Variants in TMEM63A observed in about 807,000 individuals in gnomAD.
The protein encoded by TMEM63A is mechanosensitive cation channel TMEM63A.
In TMEM63A, 76 loss-of-function variants were observed where a neutral mutation model predicts 100.6. The observed-to-expected ratio is 0.76, with a 90% CI of 0.63 to 0.91. The LOEUF is 0.91. Ranked by LOEUF, TMEM63A falls within the 40% of genes least tolerant of loss-of-function variation. The pLI, the probability that TMEM63A is intolerant of heterozygous loss-of-function variation, is 0.00. For synonymous variants in TMEM63A, 401 were observed against 401.1 expected (o/e 1.00, Z 0.00); for missense variants, 876 against 1,008.8 (o/e 0.87, Z 1.78).
Position 225,855,897 on chromosome 1 carries a change from C to G in TMEM63A, c.1615G>C (p.Glu539Gln), listed in dbSNP as rs1283510419. Residue 539 changes from glutamate to glutamine, a missense_variant, in exon 18 of 25, where the codon GAG becomes CAG. This residue lies in a region of TMEM63A where 4 missense variants were observed against 17.2 expected (regional missense o/e 0.23). Transcript: ENST00000366835. ...ACTCACTCCAACCTGATGGAGGCCTCCGAGGAAGTTTTGTCAAAGAGCCAC... is the reference window on the plus strand; with the variant it reads ...ACTCACTCCAACCTGATGGAGGCCTGCGAGGAAGTTTTGTCAAAGAGCCAC... Reference protein sequence around the residue: ...FRWLFDKTSSEASIRLECVFL... With the variant: ...FRWLFDKTSSQASIRLECVFL... The G allele has an allele frequency of 6.2e-7, 1 of 1,613,982 alleles. No homozygotes were observed. The highest frequency in any genetic ancestry group is 1.6e-4 in the Middle Eastern group (1 of 6,082).
At chr1:225,863,507 T>C (rs527269237) in intron 10 of TMEM63A, among the ~76,000 whole-genome samples, 2 of 152,328 alleles carry the variant, frequency 1.3e-5, no homozygotes, top group South Asian at 2.1e-4. Context: ...GGTCAGTATC[T>C]ACCTTGAGCC....
In TMEM63A at chr1:225,865,471, C is replaced by T. The variant is rs77040739; in HGVS notation, c.746+426G>A. 545 of 161,648 alleles carry T rather than the reference C, an allele frequency of 3.4e-3. 2 individuals carry two copies. The highest frequency in any genetic ancestry group is 0.012 in the African/African-American group (504 of 42,038). 10.0% of individuals were successfully genotyped at this position (161,648 alleles called of 1,614,324 possible). ...CTCAGTGGGTGGACAAACGAACAAACGCAGAGATGGCCCCGAGGTCCTTCC... is the reference window on the plus strand; with the variant it reads ...CTCAGTGGGTGGACAAACGAACAAATGCAGAGATGGCCCCGAGGTCCTTCC... On this transcript the variant is annotated intron_variant, in intron 10 of 24. Transcript: ENST00000366835. The surrounding 1 kb of genome is among the most constrained non-coding windows in gnomAD (Gnocchi z 4.6).
In TMEM63A at chr1:225,866,642, A is replaced by T; in HGVS notation, c.607T>A (p.Tyr203Asn). ...LWLHTIFAVI[Y>N]LFLTVGFMRH... ...ATGAAACCCACAGTGAGGAAGAGGT[A>T]AATGACAGCAAAGATGGTGTGCAGC... Residue 203 changes from tyrosine (Y) to asparagine (N), a missense_variant, in exon 9 of 25, where the codon TAC becomes AAC. This residue lies in a region of TMEM63A where 487 missense variants were observed against 581.9 expected (regional missense o/e 0.84). Coordinates refer to ENST00000366835, the MANE Select transcript of TMEM63A (RefSeq NM_014698.3). 6.2e-7 allele frequency: 1 copy of T among 1,614,142 alleles called. No homozygotes were observed. Among genetic ancestry groups the T allele is most frequent in the Non-Finnish European group, 8.5e-7 (1 of 1,179,998 alleles).
In TMEM63A at chr1:225,853,743, G is replaced by C; in HGVS notation, c.1683C>G (p.Ile561Met). The change falls in exon 19 of 25, where the codon ATC becomes ATG. Residue 561 changes from isoleucine to methionine, a missense_variant. Coordinates refer to ENST00000366835, the MANE Select transcript of TMEM63A (RefSeq NM_014698.3). This position sits in a 1 kb window ranked among gnomAD's most constrained non-coding sequence, Gnocchi z 4.0. ...DQGAFFVNYV[I>M]ASAFIGNGME... ...TGCCATTGCCGATGAAGGCCGAGGC[G>C]ATGACATAGTTCACAAAGAAGGCAC... 1 of 1,606,942 alleles carries C rather than the reference G, an allele frequency of 6.2e-7. No homozygotes were observed. Among genetic ancestry groups the C allele is most frequent in the Non-Finnish European group, 8.5e-7 (1 of 1,176,768 alleles).
At chr1:225,856,766 C>G (rs940018106) in intron 16 of TMEM63A, 28 bp from the exon 17 acceptor site, 1 of 1,608,136 alleles carries the variant, frequency 6.2e-7, no homozygotes, top group Non-Finnish European at 8.5e-7. Context: ...TGAGCACTCG[C>G]AGTCCCCCAA....
At position 225,879,227 on chromosome 1, in the gene TMEM63A, TA is replaced by T. The variant is rs1473176335; in HGVS notation, c.-23del. On this transcript the variant is annotated 5_prime_UTR_variant, in exon 2 of 25. Transcript: ENST00000366835. The stretch of plus-strand genomic sequence containing the variant: ...TCCTGTCCCCACACTTACCAGACAC[TA>T]GGGGAAGGAAGGACTGTGGATGGGC... 1 of 152,044 alleles carries T rather than the reference TA, an allele frequency of 6.6e-6. No individual in the cohort carries two copies. The highest frequency in any genetic ancestry group is 2.4e-5 in the African/African-American group (1 of 41,356). 9.4% of individuals were successfully genotyped at this position (152,044 alleles called of 1,614,324 possible). A position where few individuals can be genotyped will look rare whatever the true frequency, so the allele number is the denominator to read the frequency against.
In TMEM63A at chr1:225,850,053, T is replaced by C. The variant is rs778175774; in HGVS notation, c.1930A>G (p.Met644Val). The change falls in exon 21 of 25, where the codon ATG becomes GTG. Residue 644 changes from methionine to valine, a missense_variant. Transcript: ENST00000366835. ...AAGTAGAGGTTGTGCCGGTCCACCA[T>C]GTGCTTGAGCAGGATGTAGATGAGG... is the stretch of plus-strand genomic sequence containing the variant. ...FGLIYILLKH[M>V]VDRHNLYFVY... is the part of the protein sequence containing the mutation. 1.9e-6 allele frequency: 3 copies of C among 1,614,050 alleles called. No homozygotes were observed. Among genetic ancestry groups the C allele is most frequent in the African/African-American group, 1.3e-5 (1 of 74,908 alleles).
intron 10 of TMEM63A, chr1:225,864,546 C>T (rs1333381255): frequency 6.6e-6 from 1 of 152,018 alleles, no homozygotes; most frequent in Non-Finnish European, 1.5e-5. Flanking sequence ...TAAAGTTATA[C>T]ATTAAGTGGA....
At position 225,855,860 on chromosome 1, in the gene TMEM63A, C is replaced by G; in HGVS notation, c.1634+18G>C. 1 of 1,613,546 alleles carries G rather than the reference C, an allele frequency of 6.2e-7. No individual in the cohort carries two copies. Among genetic ancestry groups the G allele is most frequent in the Non-Finnish European group, 8.5e-7 (1 of 1,179,798 alleles). On this transcript the variant is annotated intron_variant, in intron 18 of 24. Transcript: ENST00000366835. ...CACCCAGGGCCATGGCTCCAGAACTCAACTTGGCAATACTCACTCCAACCT... is the reference window on the plus strand; with the variant it reads ...CACCCAGGGCCATGGCTCCAGAACTGAACTTGGCAATACTCACTCCAACCT...
In TMEM63A at chr1:225,848,504, G is replaced by C; in HGVS notation, c.2238C>G (p.Pro746=). 1 of 1,614,090 alleles carries C rather than the reference G, an allele frequency of 6.2e-7. No homozygotes were observed. The change falls in exon 23 of 25, where the codon CCC becomes CCG. Residue 746 remains proline, a synonymous_variant. Transcript: ENST00000366835. ...GGGCACAGCTTACTGTGAACGGTGG[G>C]GGCATGTGGGCCTCTGCCTCACTTC... ...DKGSEAEAHM[P]PPFTPYVPRI...
chr1:225,845,490 C>A, downstream of TMEM63A: 1 of 786,032 alleles, frequency 1.3e-6, no homozygotes, highest in Non-Finnish European at 2.0e-6. Flanking sequence ...CTCACCCCTC[C>A]AAGCTCACTC....
chr1:225,845,462 G>A, downstream of TMEM63A: 2 of 1,136,372 alleles, frequency 1.8e-6, no homozygotes, highest in Non-Finnish European at 1.3e-6. Flanking sequence ...GCCCATGCTG[G>A]GAGCCCACGC....
At chr1:225,850,223 G>C in intron 20 of TMEM63A, 144 bp from the exon 21 acceptor site, 2 of 881,622 alleles carry the variant, frequency 2.3e-6, no homozygotes, top group Non-Finnish European at 3.4e-6. Context: ...GAGGCATCCT[G>C]CACCTCTGGC....
chr1:225,859,398 C>T (rs756873647), intron 14 of TMEM63A, 49 bp from the exon 15 acceptor site: 27 of 1,606,568 alleles, frequency 1.7e-5, no homozygotes, highest in South Asian at 6.7e-5. Context: ...TCCCAGTGCT[C>T]GTGGCTTAGG....
chr1:225,841,347 A>ATC (rs1189923123), downstream of TMEM63A, among the ~76,000 whole-genome samples: 1 of 152,068 alleles, frequency 6.6e-6, no homozygotes, highest in Non-Finnish European at 1.5e-5. Context: ...CAGTGGTGTG[A>ATC]TCTCAGCTCA....
intron 22 of TMEM63A, 106 bp downstream of exon 22, chr1:225,848,791 T>C (rs766594601): frequency 2.2e-5 from 22 of 978,238 alleles, no homozygotes; most frequent in African/African-American, 3.2e-5. Flanking sequence ...TGGAGAAGGC[T>C]GCTGCTGTGT....
chr1:225,843,307 A>G (rs1668589940), downstream of TMEM63A, among the ~76,000 whole-genome samples: 1 of 152,110 alleles, frequency 6.6e-6, no homozygotes, highest in Non-Finnish European at 1.5e-5. Context: ...TGGAGGAGAG[A>G]AACTTAGGCA....
At position 225,867,910 on chromosome 1, in the gene TMEM63A, G is replaced by A. The variant is rs1169470109; in HGVS notation, c.492C>T (p.Val164=). 4.3e-6 allele frequency: 7 copies of A among 1,614,048 alleles called. No homozygotes were observed. Among genetic ancestry groups the A allele is most frequent in the Non-Finnish European group, 5.9e-6 (7 of 1,180,038 alleles). Residue 164 remains valine (V), a synonymous_variant, in exon 7 of 25, where the codon GTC becomes GTT. Coordinates refer to ENST00000366835, the MANE Select transcript of TMEM63A (RefSeq NM_014698.3). This position sits in a 1 kb window ranked among gnomAD's most constrained non-coding sequence, Gnocchi z 4.6. ...TACCCAGCAAGTCCCCTGAGAGGTT[G>A]ACAGGCAGGATGACACACAGGGACA... The part of the protein sequence containing the change: ...SFLSLCVILP[V]NLSGDLLDKD...
chr1:225,857,392 G>C (rs922656700), intron 15 of TMEM63A, among the ~76,000 whole-genome samples: 17 of 137,060 alleles, frequency 1.2e-4, no homozygotes, highest in African/African-American at 1.7e-4. Flanking sequence ...GGCGGGGGGG[G>C]GGGGGTGCCC....
Sources: allele counts gnomAD v4.1 joint callset (sites outside exome capture counted in the v4.1 genomes callset), GRCh38; gene constraint gnomAD v4.1.1; regional missense constraint gnomAD v4.1.1; non-coding constraint Gnocchi (gnomAD v3.1); transcripts MANE v1.5; gene names NCBI Gene and HGNC (gene_info 2026-07-23, HGNC 2026-07-21).